RMST: variants seen among roughly 807,000 people sequenced by gnomAD.
RMST encodes the protein rhabdomyosarcoma 2 associated transcript.
chr12:97,517,927 A>G (rs762117066), intron 10 of RMST, among the ~76,000 whole-genome samples: 3 of 152,110 alleles, frequency 2.0e-5, no homozygotes, highest in Non-Finnish European at 4.4e-5. Flanking sequence ...ACTCCCATAA[A>G]TAAGTATCAA....
At chr12:97,481,495 CT>C (rs1291693020) in intron 5 of RMST, among the ~76,000 whole-genome samples, 1 of 152,084 alleles carries the variant, frequency 6.6e-6, no homozygotes, top group African/African-American at 2.4e-5. Context: ...CAAAGAAAGG[CT>C]TTTAAAAGCT....
chr12:97,496,291 A>ATG (rs1175156985), intron 10 of RMST, among the ~76,000 whole-genome samples: 3 of 152,028 alleles, frequency 2.0e-5, no homozygotes, highest in Admixed American at 2.0e-4. Flanking sequence ...CCAGCATGTT[A>ATG]TGGGGCTACT....
In RMST at chr12:97,538,800, T is replaced by A. The variant is rs188213010; in HGVS notation, n.1545+7941T>A. On this transcript the variant is annotated intron_variant and non_coding_transcript_variant, in intron 11 of 13. Transcript: ENST00000640149. Reference sequence around the variant, plus strand: ...TCTATCCCCAAAGTTTTGTGTAATTTGGGTTCACTAAAACAGGTTTAGATC... The same window carrying A: ...TCTATCCCCAAAGTTTTGTGTAATTAGGGTTCACTAAAACAGGTTTAGATC... Among the ~76,000 whole-genome samples the A allele has an allele frequency of 9.7e-3, 1,473 of 151,520 alleles. 27 individuals carry two copies. Among genetic ancestry groups the A allele is most frequent in the African/African-American group, 0.032 (1,318 of 41,440 alleles).
chr12:97,552,955 G>A (rs910774574), intron 11 of RMST, among the ~76,000 whole-genome samples: 53 of 152,300 alleles, frequency 3.5e-4, no homozygotes, highest in African/African-American at 1.2e-3. Context: ...AAAGGCAGGT[G>A]AAGACAGGTA....
At chr12:97,561,629 C>CTTTTTTTTTTTTTTTTTTTTTTTTT (rs9331504) in intron 13 of RMST, among the ~76,000 whole-genome samples, 1 of 56,648 alleles carries the variant, frequency 1.8e-5, no homozygotes, top group Non-Finnish European at 3.0e-5. Flanking sequence ...AGTTTGAAGG[C>CTTTTTTTTTTTTTTTTTTTTTTTTT]TTTTTTTTTT....
intron 5 of RMST, among the ~76,000 whole-genome samples, chr12:97,466,770 T>C (rs1412091008): frequency 6.6e-6 from 1 of 152,136 alleles, no homozygotes; most frequent in African/African-American, 2.4e-5. Flanking sequence ...GATAATAATG[T>C]TGGCTGGTAA....
In RMST at chr12:97,485,630, T is replaced by G. The variant is rs116239027; in HGVS notation, n.645-6831T>G. On this transcript the variant is annotated intron_variant and non_coding_transcript_variant, in intron 5 of 13. Transcript: ENST00000640149. ...AGCCGACATTGTCACATACATTATT[T>G]TATTTATTATATGAGCCCCCAAAGG... Among the ~76,000 whole-genome samples, 1,361 of 152,318 alleles carry G rather than the reference T, an allele frequency of 8.9e-3. 13 individuals are homozygous for G. The highest frequency in any genetic ancestry group is 0.029 in the African/African-American group (1,211 of 41,566).
chr12:97,530,689 T>A (rs146455928), exon 11 of RMST: 1 of 152,038 alleles, frequency 6.6e-6, no homozygotes, highest in African/African-American at 2.4e-5. Flanking sequence ...CTGGCTAATG[T>A]CATAATTAAC....
At chr12:97,519,588 G>A (rs1880303393) in intron 10 of RMST, among the ~76,000 whole-genome samples, 1 of 152,142 alleles carries the variant, frequency 6.6e-6, no homozygotes, top group Non-Finnish European at 1.5e-5. Context: ...GTAGATCTAT[G>A]TTCCCAAAGG....
chr12:97,528,994 A>T (rs958392662), intron 10 of RMST, among the ~76,000 whole-genome samples: 4 of 151,934 alleles, frequency 2.6e-5, no homozygotes, highest in African/African-American at 9.7e-5. Context: ...GCTTTTATGG[A>T]ATCTGACTCA....
chr12:97,517,578 C>A (rs769032841), intron 10 of RMST, among the ~76,000 whole-genome samples: 4 of 151,792 alleles, frequency 2.6e-5, no homozygotes, highest in Admixed American at 6.6e-5. Flanking sequence ...CTATAATTTG[C>A]TTGTTCAAAT....
At chr12:97,467,227 C>T (rs931465651) in intron 5 of RMST, among the ~76,000 whole-genome samples, 2 of 151,894 alleles carry the variant, frequency 1.3e-5, no homozygotes, top group Non-Finnish European at 2.9e-5. Context: ...ATAAGATTAC[C>T]GCTAATGTTA....
chr12:97,524,579 T>C (rs1565931435), intron 10 of RMST, among the ~76,000 whole-genome samples: 1 of 152,162 alleles, frequency 6.6e-6, no homozygotes, highest in Non-Finnish European at 1.5e-5. Flanking sequence ...GTCTAATATG[T>C]CAACTAATCT....
At chr12:97,564,699 TC>T (rs1323599145) in exon 14 of RMST, 1 of 152,264 alleles carries the variant, frequency 6.6e-6, no homozygotes, top group Non-Finnish European at 1.5e-5. Flanking sequence ...TCTCTCCTGT[TC>T]CCTTTTCTCT....
intron 11 of RMST, among the ~76,000 whole-genome samples, chr12:97,543,115 TA>T (rs1882675465): frequency 6.6e-6 from 1 of 152,036 alleles, no homozygotes; most frequent in African/African-American, 2.4e-5. Flanking sequence ...CATTACATTT[TA>T]AAAAACCAGT....
At chr12:97,470,204 A>G (rs1183880991) in intron 5 of RMST, among the ~76,000 whole-genome samples, 1 of 152,112 alleles carries the variant, frequency 6.6e-6, no homozygotes, top group Admixed American at 6.6e-5. Context: ...TGACAGTTGC[A>G]ACAACTAAGA....
intron 10 of RMST, among the ~76,000 whole-genome samples, chr12:97,509,133 G>T (rs1879011176): frequency 6.6e-6 from 1 of 152,126 alleles, no homozygotes; most frequent in Non-Finnish European, 1.5e-5. Context: ...CAACAGCTGT[G>T]TTACCACTTT....
chr12:97,542,737 C>T (rs1197037645), intron 11 of RMST, among the ~76,000 whole-genome samples: 2 of 151,960 alleles, frequency 1.3e-5, no homozygotes, highest in African/African-American at 4.8e-5. Context: ...AGATAGCACG[C>T]ATGGCAGAGT....
At chr12:97,478,477 G>A (rs1221227722) in intron 5 of RMST, among the ~76,000 whole-genome samples, 2 of 152,204 alleles carry the variant, frequency 1.3e-5, no homozygotes, top group African/African-American at 2.4e-5. Context: ...ACACAGCTAG[G>A]TAGTGACAGA....
Sources: gnomAD v4.1 joint callset for allele counts (sites outside exome capture counted in the v4.1 genomes callset) on GRCh38, gnomAD v4.1.1 for gene constraint, MANE v1.5 for transcripts, NCBI Gene and HGNC (gene_info 2026-07-23, HGNC 2026-07-21) for gene names.